The following DOCK7 variants were observed in gnomAD, a reference collection of about 807,000 sequenced individuals.
DOCK7 encodes dedicator of cytokinesis 7.
Under a neutral mutation model 271.0 loss-of-function variants are expected in DOCK7, and 138 were observed. That is an observed-to-expected ratio of 0.51 (90% CI 0.44 to 0.59). The LOEUF is 0.59. DOCK7 is among the 20% of genes least tolerant of loss of function. DOCK7 has a pLI of 0.00. For missense variants in DOCK7, 2,066 were observed against 2,592.4 expected (o/e 0.80, Z 4.41); for synonymous variants, 823 against 876.1 (o/e 0.94, Z 1.07).
In DOCK7 at chr1:62,494,447, G is replaced by T; in HGVS notation, c.5045C>A (p.Thr1682Asn). ...LMYRIAKGYQ[T>N]SPDLRLTWLQ... ...CCAGGTCAATCGCAGATCTGGAGAG[G>T]TCTGGTAACCCTTGGCAATTCTAAT... Residue 1682 changes from threonine (T) to asparagine (N), a missense_variant, in exon 40 of 50, where the codon ACC becomes AAC. Coordinates refer to ENST00000635253, the MANE Select transcript of DOCK7 (RefSeq NM_001367561.1). 4 of 1,607,254 alleles carry T rather than the reference G, an allele frequency of 2.5e-6. No individual in the cohort carries two copies. The highest frequency in any genetic ancestry group is 3.4e-6 in the Non-Finnish European group (4 of 1,174,662).
At chr1:62,473,272 A>AAAT (rs1645881221) in intron 48 of DOCK7, among the ~76,000 whole-genome samples, 2 of 152,206 alleles carry the variant, frequency 1.3e-5, no homozygotes, top group African/African-American at 2.4e-5. Context: ...ACAATTAATG[A>AAAT]TAAGGTCAGG....
chr1:62,577,920 A>AT (rs568682555), intron 17 of DOCK7, among the ~76,000 whole-genome samples: 9 of 149,362 alleles, frequency 6.0e-5, no homozygotes, highest in Non-Finnish European at 6.0e-5. Flanking sequence ...AACCATAGTA[A>AT]TTTTTTTTTT....
intron 4 of DOCK7, among the ~76,000 whole-genome samples, chr1:62,652,035 G>C (rs1303438926): frequency 2.0e-5 from 3 of 152,032 alleles, no homozygotes; most frequent in Non-Finnish European, 2.9e-5. Flanking sequence ...TGCTCACCCT[G>C]GGCGCTATTC....
At chr1:62,622,603 A>G (rs941939106) in intron 12 of DOCK7, among the ~76,000 whole-genome samples, 7 of 151,896 alleles carry the variant, frequency 4.6e-5, no homozygotes, top group Admixed American at 1.3e-4. Flanking sequence ...ACAGGTATAC[A>G]CCAACATGGC....
At chr1:62,606,523 T>C (rs1651016770) in intron 14 of DOCK7, among the ~76,000 whole-genome samples, 1 of 152,148 alleles carries the variant, frequency 6.6e-6, no homozygotes, top group South Asian at 2.1e-4. Flanking sequence ...CTCACAGTTG[T>C]CTAATCTAAG....
chr1:62,602,490 T>C, intron 14 of DOCK7: 2 of 875,204 alleles, frequency 2.3e-6, no homozygotes, highest in Non-Finnish European at 1.9e-6. Context: ...AGAAGCAGTC[T>C]CAGCCTTCAT....
At position 62,647,709 on chromosome 1, in the gene DOCK7, A is replaced by G. The variant is rs749548343; in HGVS notation, c.800T>C (p.Val267Ala). ...TACTCACTTGAGTGATAAGCATTTT[A>G]CAAGAAGTCTTTGACCAAAATGTTC... ...PKEHFGQRLLVKCLSLKFEIE... is the reference protein window; with the variant it reads ...PKEHFGQRLLAKCLSLKFEIE... The change falls in exon 7 of 50, where the codon GTA becomes GCA. Residue 267 changes from valine to alanine, a missense_variant. This residue lies in a region of DOCK7 where 1,414 missense variants were observed against 1,670.4 expected (regional missense o/e 0.85). Coordinates refer to ENST00000635253, the MANE Select transcript of DOCK7 (RefSeq NM_001367561.1). The G allele has an allele frequency of 2.1e-5, 34 of 1,606,562 alleles. No homozygotes were observed. Among genetic ancestry groups the G allele is most frequent in the Non-Finnish European group, 2.5e-5 (30 of 1,176,990 alleles).
intron 14 of DOCK7, chr1:62,604,949 T>G: frequency 1.1e-6 from 1 of 880,712 alleles, no homozygotes; most frequent in East Asian, 2.6e-5. Context: ...AGTCACTGTC[T>G]ATTTAAGATT....
At chr1:62,660,822 G>A (rs1658572139) in intron 2 of DOCK7, among the ~76,000 whole-genome samples, 1 of 151,164 alleles carries the variant, frequency 6.6e-6, no homozygotes, top group African/African-American at 2.5e-5. Flanking sequence ...AATTAAATCA[G>A]CCACGCATGG....
intron 19 of DOCK7, among the ~76,000 whole-genome samples, chr1:62,561,316 T>G (rs1192004799): frequency 1.3e-5 from 2 of 152,160 alleles, no homozygotes; most frequent in Admixed American, 6.6e-5. Context: ...AGAAATAAAG[T>G]GAGCTGATGA....
chr1:62,464,237 T>C (rs2149237589), intron 48 of DOCK7, among the ~76,000 whole-genome samples: 1 of 151,812 alleles, frequency 6.6e-6, no homozygotes, highest in East Asian at 2.0e-4. Context: ...TTTCTTGTAT[T>C]TTTAGTAGAG....
chr1:62,479,662 A>C, intron 43 of DOCK7: 1 of 312,396 alleles, frequency 3.2e-6, no homozygotes, highest in South Asian at 2.9e-5. Flanking sequence ...ATACATTCCT[A>C]CTTTTTGTTT....
chr1:62,602,490 T>A, intron 14 of DOCK7: 1 of 875,206 alleles, frequency 1.1e-6, no homozygotes, highest in Non-Finnish European at 1.9e-6. Flanking sequence ...AGAAGCAGTC[T>A]CAGCCTTCAT....
intron 48 of DOCK7, among the ~76,000 whole-genome samples, chr1:62,472,422 A>C (rs902815329): frequency 1.2e-4 from 18 of 152,108 alleles, no homozygotes; most frequent in African/African-American, 4.3e-4. Flanking sequence ...TTTTTTTGCA[A>C]TATAAAAGGA....
At chr1:62,549,469 T>C (rs530785366) in intron 22 of DOCK7, among the ~76,000 whole-genome samples, 8 of 152,226 alleles carry the variant, frequency 5.3e-5, no homozygotes, top group East Asian at 3.8e-4. Context: ...AAGGTAGCAG[T>C]TGAAATACTA....
intron 11 of DOCK7, chr1:62,627,700 C>A (rs993656602): frequency 6.6e-6 from 1 of 151,866 alleles, no homozygotes; most frequent in African/African-American, 2.4e-5. Flanking sequence ...GACTTGTACA[C>A]TGAAAATGAC....
intron 21 of DOCK7, among the ~76,000 whole-genome samples, chr1:62,554,883 T>TA (rs368766666): frequency 1.3e-5 from 2 of 152,262 alleles, no homozygotes; most frequent in African/African-American, 4.8e-5. Context: ...TGCAATTAAG[T>TA]AAAGAAATAA....
intron 44 of DOCK7, 143 bp downstream of exon 44, chr1:62,477,557 C>T: frequency 1.3e-6 from 1 of 775,096 alleles, no homozygotes; most frequent in Non-Finnish European, 1.9e-6. Context: ...ATTATTGTAA[C>T]TATTAAAAGT....
chr1:62,678,736 T>C (rs1387795015), intron 1 of DOCK7, among the ~76,000 whole-genome samples: 1 of 151,936 alleles, frequency 6.6e-6, no homozygotes, highest in Admixed American at 6.6e-5. Flanking sequence ...CTCTACCAAA[T>C]GCCAAGACTG....
Sources: allele counts gnomAD v4.1 joint callset (sites outside exome capture counted in the v4.1 genomes callset), GRCh38; gene constraint gnomAD v4.1.1; regional missense constraint gnomAD v4.1.1; transcripts MANE v1.5; gene names NCBI Gene and HGNC (gene_info 2026-07-23, HGNC 2026-07-21).